Variants in IQCM observed in about 807,000 individuals in gnomAD.
IQCM encodes IQ motif containing M, also known as IQ domain-containing protein M.
IQCM carries 45 observed loss-of-function variants against 57.6 expected under a neutral mutation model. The observed-to-expected ratio is 0.78, with a 90% CI of 0.62 to 1.00. IQCM has a LOEUF of 1.00. Among genes scored for constraint, IQCM ranks in the 50% least tolerant of loss-of-function variants. The pLI is 0.00. For missense variants in IQCM, 468 were observed against 511.6 expected (o/e 0.91, Z 0.82); for synonymous variants, 148 against 158.9 (o/e 0.93, Z 0.51).
intron 5 of IQCM, among the ~76,000 whole-genome samples, chr4:149,720,003 C>G (rs752445219): frequency 1.3e-5 from 2 of 152,190 alleles, no homozygotes; most frequent in Non-Finnish European, 2.9e-5. Flanking sequence ...GCTCTCATTT[C>G]ACTTCCTCAG....
In IQCM at chr4:149,534,385, G is replaced by A. The variant is rs149564348; in HGVS notation, c.1228+14070C>T. Among the ~76,000 whole-genome samples, 228 of 152,200 alleles carry A rather than the reference G, an allele frequency of 1.5e-3. 3 individuals carry two copies. The East Asian group carries it at 0.024, about 16-fold the overall frequency. On this transcript the variant is annotated intron_variant, in intron 12 of 13. Coordinates refer to ENST00000636793, the MANE Select transcript of IQCM (RefSeq NM_001363507.2). Reference sequence around the variant, plus strand: ...TTTATTATAGGAAGTTGTTAATGCCGATAGGCATTACTATTGATGCACATG... The same window carrying A: ...TTTATTATAGGAAGTTGTTAATGCCAATAGGCATTACTATTGATGCACATG...
At chr4:149,411,806 C>T (rs1421744186) in intron 13 of IQCM, among the ~76,000 whole-genome samples, 2 of 152,080 alleles carry the variant, frequency 1.3e-5, no homozygotes, top group African/African-American at 4.8e-5. Context: ...ACTGTTTTAT[C>T]AATTTTTAAA....
At chr4:149,482,183 G>A (rs1740978480) in intron 12 of IQCM, among the ~76,000 whole-genome samples, 1 of 151,876 alleles carries the variant, frequency 6.6e-6, no homozygotes, top group Non-Finnish European at 1.5e-5. Context: ...TTTTGGTGAA[G>A]TCTGTAGGCT....
At chr4:149,580,543 A>G (rs1752085241) in intron 9 of IQCM, among the ~76,000 whole-genome samples, 1 of 151,820 alleles carries the variant, frequency 6.6e-6, no homozygotes, top group African/African-American at 2.4e-5. Flanking sequence ...AGACCAGGAA[A>G]TAATTTTTGA....
At chr4:149,606,705 CAA>C (rs869038751) in intron 8 of IQCM, among the ~76,000 whole-genome samples, 6 of 152,070 alleles carry the variant, frequency 3.9e-5, no homozygotes, top group African/African-American at 1.4e-4. Context: ...ATAAATTTAA[CAA>C]AGAGATTAAA....
intron 9 of IQCM, among the ~76,000 whole-genome samples, chr4:149,565,857 A>G (rs1750577874): frequency 6.6e-6 from 1 of 152,198 alleles, no homozygotes. Flanking sequence ...CAATATTCTT[A>G]TAACTGTAGC....
chr4:149,697,947 A>C (rs1253593562), intron 5 of IQCM, among the ~76,000 whole-genome samples: 1 of 152,166 alleles, frequency 6.6e-6, no homozygotes, highest in Non-Finnish European at 1.5e-5. Flanking sequence ...CACATATAGC[A>C]TTATAAATCA....
At chr4:149,440,926 G>C (rs116148662) in intron 12 of IQCM, among the ~76,000 whole-genome samples, 1,577 of 151,896 alleles carry the variant, frequency 0.01, 28 homozygotes, top group African/African-American at 0.036. Flanking sequence ...AATTCTTTCC[G>C]AAACATGATT....
At chr4:149,458,670 A>G (rs1018389759) in intron 12 of IQCM, among the ~76,000 whole-genome samples, 1 of 152,090 alleles carries the variant, frequency 6.6e-6, no homozygotes, top group African/African-American at 2.4e-5. Flanking sequence ...ATTTTACCCA[A>G]TGTTCTTATA....
chr4:149,439,960 CTTT>C (rs554542262), intron 12 of IQCM, among the ~76,000 whole-genome samples: 2 of 141,602 alleles, frequency 1.4e-5, no homozygotes, highest in Admixed American at 7.1e-5. Flanking sequence ...TGTTGCTATT[CTTT>C]TTTTTTTTTT....
intron 8 of IQCM, among the ~76,000 whole-genome samples, chr4:149,601,177 T>C (rs1051225419): frequency 2.1e-5 from 3 of 146,332 alleles, no homozygotes; most frequent in African/African-American, 7.7e-5. Context: ...ACAGATCTTC[T>C]GATTCAATAG....
intron 10 of IQCM, among the ~76,000 whole-genome samples, chr4:149,558,788 C>T (rs547903416): frequency 3.3e-4 from 50 of 152,228 alleles, no homozygotes; most frequent in African/African-American, 1.2e-3. Context: ...ATTCTTCTTC[C>T]ATGAAAGAAT....
At chr4:149,690,481 C>T (rs1355238859) in intron 5 of IQCM, among the ~76,000 whole-genome samples, 1 of 152,008 alleles carries the variant, frequency 6.6e-6, no homozygotes, top group Non-Finnish European at 1.5e-5. Context: ...GCATGTACTG[C>T]TTGGGTGATG....
intron 12 of IQCM, among the ~76,000 whole-genome samples, chr4:149,545,317 A>G (rs1748279318): frequency 6.6e-6 from 1 of 152,218 alleles, no homozygotes; most frequent in South Asian, 2.1e-4. Flanking sequence ...TGTCTGATAA[A>G]GGATTAATAT....
At chr4:149,490,121 T>C (rs1741935304) in intron 12 of IQCM, among the ~76,000 whole-genome samples, 1 of 151,926 alleles carries the variant, frequency 6.6e-6, no homozygotes, top group South Asian at 2.1e-4. Context: ...AGAAATAAGT[T>C]GCATAATCAA....
At chr4:149,553,944 T>C (rs1409076741) in intron 10 of IQCM, among the ~76,000 whole-genome samples, 3 of 152,202 alleles carry the variant, frequency 2.0e-5, no homozygotes. Context: ...TTCTCTTTTC[T>C]AAAGAGCCAT....
chr4:149,518,407 G>C (rs1237080631), intron 12 of IQCM, among the ~76,000 whole-genome samples: 1 of 152,086 alleles, frequency 6.6e-6, no homozygotes, highest in African/African-American at 2.4e-5. Flanking sequence ...TTATTCCTTT[G>C]AGTTAAGTCT....
intron 2 of IQCM, among the ~76,000 whole-genome samples, chr4:149,752,059 T>C (rs1393056545): frequency 2.0e-5 from 3 of 152,170 alleles, no homozygotes; most frequent in Admixed American, 6.5e-5. Flanking sequence ...TCTATAGGTA[T>C]AATATTTTGT....
At chr4:149,810,379 A>G (rs1270802534) in intron 2 of IQCM, among the ~76,000 whole-genome samples, 1 of 148,190 alleles carries the variant, frequency 6.7e-6, no homozygotes, top group African/African-American at 2.6e-5. Flanking sequence ...AAAAAAAAAA[A>G]AGAAAAGTTG....
Sources: allele counts gnomAD v4.1 joint callset (sites outside exome capture counted in the v4.1 genomes callset), GRCh38; gene constraint gnomAD v4.1.1; transcripts MANE v1.5; gene names NCBI Gene and HGNC (gene_info 2026-07-23, HGNC 2026-07-21).